The following RHBDD1 variants were observed in gnomAD, a reference collection of about 807,000 sequenced individuals.
RHBDD1 encodes the protein rhomboid-related protein 4.
In RHBDD1, 38 loss-of-function variants were observed where a neutral mutation model predicts 36.3. That is an observed-to-expected ratio of 1.05 (90% confidence interval 0.81 to 1.37). RHBDD1 has a LOEUF of 1.37. Ranked by LOEUF, RHBDD1 falls within the 40% of genes most tolerant of loss-of-function variation. The probability of loss-of-function intolerance (pLI) is 0.00; values close to 1 mark genes in which losing one functional copy is unlikely to be tolerated. For synonymous variants in RHBDD1, 151 were observed against 136.5 expected (o/e 1.11, Z -0.74); for missense variants, 393 against 377.6 (o/e 1.04, Z -0.34).
intron 8 of RHBDD1, among the ~76,000 whole-genome samples, chr2:226,946,103 G>T (rs993052141): frequency 3.3e-5 from 5 of 151,686 alleles, no homozygotes; most frequent in African/African-American, 1.2e-4. Flanking sequence ...TAGGTTGCCT[G>T]TTCACTCTGA....
At chr2:226,844,757 C>A (rs1349045968) in intron 3 of RHBDD1, among the ~76,000 whole-genome samples, 1 of 152,034 alleles carries the variant, frequency 6.6e-6, no homozygotes, top group Non-Finnish European at 1.5e-5. Context: ...TTTAATGAGC[C>A]CTCATTACAC....
intron 2 of RHBDD1, among the ~76,000 whole-genome samples, chr2:226,838,381 C>T (rs372424178): frequency 6.6e-6 from 1 of 152,136 alleles, no homozygotes; most frequent in East Asian, 1.9e-4. Context: ...TTCTCCTCAT[C>T]GGAGAGGCAG....
intron 8 of RHBDD1, among the ~76,000 whole-genome samples, chr2:226,939,249 A>G (rs762681747): frequency 2.0e-5 from 3 of 152,202 alleles, no homozygotes; most frequent in Non-Finnish European, 4.4e-5. Flanking sequence ...CACCACTCCT[A>G]TTCAACATAG....
At chr2:226,914,080 ATT>A (rs1197032012) in intron 7 of RHBDD1, 126 bp from the exon 8 acceptor site, 1 of 830,292 alleles carries the variant, frequency 1.2e-6, no homozygotes, top group African/African-American at 1.7e-5. Context: ...ATCTTTTCTT[ATT>A]TTGAGGATAA....
chr2:226,842,547 T>C (rs1941771215), intron 3 of RHBDD1, among the ~76,000 whole-genome samples: 1 of 152,208 alleles, frequency 6.6e-6, no homozygotes, highest in African/African-American at 2.4e-5. Context: ...TAGGGAATCC[T>C]TTCTCTATTT....
chr2:226,877,550 C>CTTTT (rs80311532), intron 5 of RHBDD1, among the ~76,000 whole-genome samples: 1 of 120,802 alleles, frequency 8.3e-6, no homozygotes. Context: ...AGCCATTTTC[C>CTTTT]TTTTTTTTTT....
chr2:226,900,768 A>G (rs1488339593), intron 5 of RHBDD1, among the ~76,000 whole-genome samples: 2 of 152,162 alleles, frequency 1.3e-5, no homozygotes, highest in African/African-American at 4.8e-5. Context: ...TATATGTTTA[A>G]GGTGTATAAT....
chr2:226,861,481 A>G (rs375726001), intron 3 of RHBDD1, among the ~76,000 whole-genome samples: 4 of 152,192 alleles, frequency 2.6e-5, no homozygotes, highest in East Asian at 1.9e-4. Flanking sequence ...CCTTTTATCT[A>G]TATTCTTCAT....
chr2:226,948,473 C>T lies in RHBDD1; in HGVS notation c.856+34122C>T, dbSNP rs565740272. 7.0e-5 allele frequency among the ~76,000 whole-genome samples: 10 copies of T among 142,792 alleles called. No individual in the cohort carries two copies. The East Asian group carries it at 1.3e-3, about 18-fold the overall frequency. 93.7% of individuals were successfully genotyped at this position (142,792 alleles called of 152,430 possible). A position where few individuals can be genotyped will look rare whatever the true frequency, so the allele number is the denominator to read the frequency against. ...GGGAGACATACCTCATGCTAGATGA[C>T]GAGTTAGTGGGTGCAGCGCACCAGC... On this transcript the variant is annotated intron_variant, in intron 8 of 8. Transcript: ENST00000392062.
intron 8 of RHBDD1, among the ~76,000 whole-genome samples, chr2:226,993,238 A>T (rs2149589236): frequency 6.6e-6 from 1 of 152,182 alleles, no homozygotes; most frequent in East Asian, 1.9e-4. Context: ...ACACCAGAGG[A>T]CTCTGTGTTT....
Position 226,938,325 on chromosome 2 carries a change from C to G in RHBDD1, c.856+23974C>G, listed in dbSNP as rs752413286. ...AATTTGTTTAAGTTCCTTATAGATGCTGGATATTAGACCTTTATCAGATGC... is the reference window on the plus strand; with the variant it reads ...AATTTGTTTAAGTTCCTTATAGATGGTGGATATTAGACCTTTATCAGATGC... On this transcript the variant is annotated intron_variant, in intron 8 of 8. Coordinates refer to ENST00000392062, the MANE Select transcript of RHBDD1 (RefSeq NM_001167608.3). 5.9e-5 allele frequency among the ~76,000 whole-genome samples: 9 copies of G among 151,854 alleles called. 1 individual carries two copies. Among genetic ancestry groups the G allele is most frequent in the Non-Finnish European group, 8.8e-5 (6 of 67,974 alleles).
the RHBDD1 span, among the ~76,000 whole-genome samples, chr2:226,807,885 G>A: frequency 6.6e-6 from 1 of 152,138 alleles, no homozygotes; most frequent in East Asian, 1.9e-4. Flanking sequence ...ATGGTGGCAG[G>A]CACCTGTAGT....
At chr2:226,812,752 A>T in the RHBDD1 span, among the ~76,000 whole-genome samples, 1 of 152,166 alleles carries the variant, frequency 6.6e-6, no homozygotes, top group Non-Finnish European at 1.5e-5. Context: ...GGACTCATTT[A>T]AAAAAATTCT....
chr2:226,945,478 C>A (rs1041416397), intron 8 of RHBDD1, among the ~76,000 whole-genome samples: 1 of 152,084 alleles, frequency 6.6e-6, no homozygotes, highest in Non-Finnish European at 1.5e-5. Context: ...GTCCCTGCAA[C>A]AGACATGAAC....
chr2:226,870,084 A>G (rs144380503), intron 5 of RHBDD1, among the ~76,000 whole-genome samples: 4 of 152,332 alleles, frequency 2.6e-5, no homozygotes, highest in African/African-American at 9.6e-5. Context: ...CACCCAGAGT[A>G]AGACAGCCAC....
At chr2:226,909,719 A>C (rs540753427) in intron 7 of RHBDD1, among the ~76,000 whole-genome samples, 1 of 152,120 alleles carries the variant, frequency 6.6e-6, no homozygotes, top group Non-Finnish European at 1.5e-5. Context: ...GCAGTCTGCA[A>C]CCTGGAAGAG....
At chr2:226,802,179 AT>A in the RHBDD1 span, among the ~76,000 whole-genome samples, 1 of 152,214 alleles carries the variant, frequency 6.6e-6, no homozygotes, top group Non-Finnish European at 1.5e-5. Context: ...AATTATGATA[AT>A]AAACCTTTTA....
At chr2:226,928,744 A>G (rs1490961152) in intron 8 of RHBDD1, among the ~76,000 whole-genome samples, 1 of 152,082 alleles carries the variant, frequency 6.6e-6, no homozygotes, top group African/African-American at 2.4e-5. Flanking sequence ...AAACAAAATC[A>G]TAGACCGTTA....
the RHBDD1 span, among the ~76,000 whole-genome samples, chr2:226,821,948 T>C: frequency 1.3e-5 from 2 of 152,124 alleles, no homozygotes; most frequent in Non-Finnish European, 2.9e-5. Flanking sequence ...AAAAATTTCG[T>C]GTTATTATGT....
Sources: gnomAD v4.1 joint callset for allele counts (sites outside exome capture counted in the v4.1 genomes callset) on GRCh38, gnomAD v4.1.1 for gene constraint, MANE v1.5 for transcripts, NCBI Gene and HGNC (gene_info 2026-07-23, HGNC 2026-07-21) for gene names.